CLYBL: variants seen among roughly 807,000 people sequenced by gnomAD.
CLYBL encodes the protein citramalyl-CoA lyase, also known as citramalyl-CoA lyase, mitochondrial.
Under a neutral mutation model 38.9 loss-of-function variants are expected in CLYBL, and 31 were observed. That is an observed-to-expected ratio of 0.80 (90% CI 0.60 to 1.08). The LOEUF is 1.08. CLYBL is among the 50% of genes least tolerant of loss of function. The probability of loss-of-function intolerance (pLI) is 0.00; values close to 1 mark genes in which losing one functional copy is unlikely to be tolerated. For synonymous variants in CLYBL, 171 were observed against 158.6 expected (o/e 1.08, Z -0.59); for missense variants, 434 against 411.6 (o/e 1.05, Z -0.47).
intron 7 of CLYBL, among the ~76,000 whole-genome samples, chr13:99,890,632 AT>A (rs200469272): frequency 6.6e-6 from 1 of 151,792 alleles, no homozygotes; most frequent in Admixed American, 6.6e-5. Flanking sequence ...TGCCCAGCTA[AT>A]TTTTTTGTAT....
chr13:99,668,877 G>C (rs969730251), intron 1 of CLYBL, among the ~76,000 whole-genome samples: 1 of 152,146 alleles, frequency 6.6e-6, no homozygotes, highest in Non-Finnish European at 1.5e-5. Flanking sequence ...TGTTAATCTA[G>C]GTGAAGAGTG....
chr13:99,647,444 C>T (rs991222138), intron 1 of CLYBL, among the ~76,000 whole-genome samples: 1 of 151,992 alleles, frequency 6.6e-6, no homozygotes, highest in African/African-American at 2.4e-5. Context: ...CCCCGCCCCC[C>T]ATCACAACTC....
At chr13:99,724,648 TCTCA>T (rs2097818988) in intron 1 of CLYBL, among the ~76,000 whole-genome samples, 1 of 152,164 alleles carries the variant, frequency 6.6e-6, no homozygotes, top group African/African-American at 2.4e-5. Context: ...CGTGCAGACT[TCTCA>T]CTCAGTTCTT....
downstream of CLYBL, chr13:99,893,720 A>G (rs1408025729): frequency 6.6e-6 from 1 of 152,666 alleles, no homozygotes; most frequent in Non-Finnish European, 1.5e-5. Context: ...TCAAGGCCTC[A>G]CTGGGAGCCT....
chr13:99,764,755 C>A (rs907451391), intron 1 of CLYBL, among the ~76,000 whole-genome samples: 1 of 152,106 alleles, frequency 6.6e-6, no homozygotes, highest in Non-Finnish European at 1.5e-5. Flanking sequence ...TGGGTCACTA[C>A]AACCCTGAAC....
intron 1 of CLYBL, among the ~76,000 whole-genome samples, chr13:99,747,009 C>T (rs1392474611): frequency 6.6e-6 from 1 of 152,182 alleles, no homozygotes; most frequent in Non-Finnish European, 1.5e-5. Context: ...AGGTTTCCCT[C>T]TTGACCTCGG....
chr13:99,738,006 A>C (rs983530896), intron 1 of CLYBL, among the ~76,000 whole-genome samples: 2 of 152,336 alleles, frequency 1.3e-5, no homozygotes. Flanking sequence ...TAAGGAAGAA[A>C]ATTTTATTGT....
rs544351183 is a variant in CLYBL at position 99,697,737 on chromosome 13, C to T, written c.63-75087C>T. On this transcript the variant is annotated intron_variant, in intron 1 of 8. Coordinates refer to ENST00000339105, the MANE Select transcript of CLYBL (RefSeq NM_206808.5). ...TCTTGGCTCACTGCAACCTCCGCCT[C>T]CTGGGTTCAAGCAGATCTCATGTCT... Among the ~76,000 whole-genome samples the T allele has an allele frequency of 1.7e-3, 264 of 150,942 alleles. 1 individual carries two copies. Among genetic ancestry groups the T allele is most frequent in the African/African-American group, 6.1e-3 (248 of 40,972 alleles).
intron 7 of CLYBL, among the ~76,000 whole-genome samples, chr13:99,882,690 A>C (rs552993368): frequency 2.2e-3 from 341 of 152,216 alleles, no homozygotes; most frequent in African/African-American, 7.9e-3. Flanking sequence ...ATTTTGTAAT[A>C]GTATAAAGTA....
intron 2 of CLYBL, among the ~76,000 whole-genome samples, chr13:99,803,685 T>C (rs1298904885): frequency 6.6e-6 from 1 of 152,226 alleles, no homozygotes; most frequent in Non-Finnish European, 1.5e-5. Context: ...ACACAACCAA[T>C]GTTGTTTCTT....
chr13:99,815,987 A>G (rs2050439003), intron 2 of CLYBL, among the ~76,000 whole-genome samples: 1 of 152,240 alleles, frequency 6.6e-6, no homozygotes, highest in Admixed American at 6.5e-5. Flanking sequence ...AGTTATCCAT[A>G]CTTCAATTGT....
chr13:99,864,827 G>A lies in CLYBL; in HGVS notation c.550G>A (p.Glu184Lys), dbSNP rs1490133790. Residue 184 changes from glutamate to lysine, a missense_variant, in exon 5 of 9, where the codon GAA (glutamate) becomes AAA (lysine). Transcript: ENST00000339105. ...TTCTGCTCTTTTACAGGCAGTGTGT[G>A]AAGAAACCCTGAAGGTCGGGCCTCA... ...MGLLNFKAVC[E>K]ETLKVGPQVG... The A allele has an allele frequency of 6.8e-6, 11 of 1,613,298 alleles. No homozygotes were observed. The highest frequency in any genetic ancestry group is 9.3e-6 in the Non-Finnish European group (11 of 1,179,458).
chr13:99,851,566 A>G lies in CLYBL; in HGVS notation c.250-7295A>G, dbSNP rs140650055. Among the ~76,000 whole-genome samples the G allele has an allele frequency of 7.9e-5, 12 of 152,278 alleles. No individual in the cohort carries two copies. The East Asian group carries it at 2.3e-3, about 29-fold the overall frequency. The stretch of plus-strand genomic sequence containing the variant: ...AAAGTAGATATAAAAATGGCCAATA[A>G]GCACATGAAAGGATTCTCAACATCA... On this transcript the variant is annotated intron_variant, in intron 2 of 8. Coordinates refer to ENST00000339105, the MANE Select transcript of CLYBL (RefSeq NM_206808.5).
At chr13:99,650,845 C>G (rs1415756264) in intron 1 of CLYBL, among the ~76,000 whole-genome samples, 2 of 152,214 alleles carry the variant, frequency 1.3e-5, no homozygotes, top group African/African-American at 2.4e-5. Flanking sequence ...AGCAGTCACT[C>G]TCAACACTGA....
intron 1 of CLYBL, among the ~76,000 whole-genome samples, chr13:99,666,143 A>G (rs1289885021): frequency 6.6e-6 from 1 of 152,134 alleles, no homozygotes; most frequent in Non-Finnish European, 1.5e-5. Flanking sequence ...GGGCTTTGGA[A>G]TATTTTTGAG....
chr13:99,784,199 G>A (rs965207317), intron 2 of CLYBL, among the ~76,000 whole-genome samples: 1 of 151,948 alleles, frequency 6.6e-6, no homozygotes, highest in African/African-American at 2.4e-5. Context: ...TCAATTCTTA[G>A]ATCCCAAGAG....
intron 2 of CLYBL, among the ~76,000 whole-genome samples, chr13:99,809,819 C>T (rs928707987): frequency 3.9e-5 from 6 of 152,182 alleles, no homozygotes; most frequent in South Asian, 2.1e-4. Context: ...TTGGCCAACT[C>T]GGGAAGACAT....
chr13:99,688,016 T>C (rs1053948367), intron 1 of CLYBL, among the ~76,000 whole-genome samples: 1 of 152,228 alleles, frequency 6.6e-6, no homozygotes, highest in Non-Finnish European at 1.5e-5. Flanking sequence ...AAATATAGCA[T>C]ATCTGAGTAG....
chr13:99,669,000 C>G (rs2047524572), intron 1 of CLYBL, among the ~76,000 whole-genome samples: 1 of 149,172 alleles, frequency 6.7e-6, no homozygotes, highest in Non-Finnish European at 1.5e-5. Flanking sequence ...CTTTATAGGC[C>G]CTCAGCTTTT....
Sources: gnomAD v4.1 joint callset for allele counts (sites outside exome capture counted in the v4.1 genomes callset) on GRCh38, gnomAD v4.1.1 for gene constraint, MANE v1.5 for transcripts, NCBI Gene and HGNC (gene_info 2026-07-23, HGNC 2026-07-21) for gene names.